The following DCDC1 variants were observed in gnomAD, a reference collection of about 807,000 sequenced individuals.
The protein encoded by DCDC1 is doublecortin domain containing 1.
Under a neutral mutation model 178.3 loss-of-function variants are expected in DCDC1, and 200 were observed. The observed-to-expected ratio is 1.12, with a 90% CI of 1.00 to 1.26. The LOEUF (loss-of-function observed/expected upper bound fraction) is 1.26. DCDC1 is among the 50% of genes most tolerant of loss of function. The pLI is 0.00. For missense variants in DCDC1, 1,983 were observed against 1,749.2 expected, an observed-to-expected ratio of 1.13 and a Z score of -2.38; for synonymous variants, 690 against 604.8, an observed-to-expected ratio of 1.14 and a Z score of -2.07.
intron 3 of DCDC1, among the ~76,000 whole-genome samples, chr11:31,314,775 T>A (rs1386619756): frequency 6.6e-6 from 1 of 152,224 alleles, no homozygotes; most frequent in African/African-American, 2.4e-5. Context: ...ACTGATTATG[T>A]CACTTAACGA....
rs146677456 is a variant in DCDC1, at chr11:31,213,719, CA to C, written c.1221+27730del. On this transcript the variant is annotated intron_variant, in intron 9 of 38. Transcript: ENST00000684477. Reference sequence around the variant, plus strand: ...TGGGTGACAGAGCATGACTCTGTCTCAAAAAAAAAACAAAAAAAAAAGTGGT... The same window carrying C: ...TGGGTGACAGAGCATGACTCTGTCTCAAAAAAAAACAAAAAAAAAAGTGGT... Among the ~76,000 whole-genome samples, 33 of 113,786 alleles carry C rather than the reference CA, an allele frequency of 2.9e-4. 1 individual carries two copies. Among genetic ancestry groups the C allele is most frequent in the African/African-American group, 4.0e-4 (12 of 30,310 alleles). The allele number at this position is 113,786 out of a possible 152,430, so 74.6% of individuals were successfully genotyped here.
chr11:31,337,950 C>T (rs1950353182), intron 1 of DCDC1, among the ~76,000 whole-genome samples: 1 of 152,148 alleles, frequency 6.6e-6, no homozygotes, highest in African/African-American at 2.4e-5. Context: ...GGCCGAAAAA[C>T]ATGACTGACC....
intron 9 of DCDC1, among the ~76,000 whole-genome samples, chr11:31,164,879 T>A (rs543778060): frequency 2.0e-5 from 3 of 152,212 alleles, no homozygotes; most frequent in Non-Finnish European, 4.4e-5. Context: ...CTAGAGCAAC[T>A]TCCAGTCCTG....
Position 31,356,097 on chromosome 11 carries a change from G to A in DCDC1, c.-125+13600C>T, listed in dbSNP as rs937129680. ...CTTAGGTCATTCCAGAATGTTTAGA[G>A]GAGATAGCTACAGTATAAAAAAGCT... On this transcript the variant is annotated intron_variant, in intron 1 of 38. Transcript: ENST00000684477. Among the ~76,000 whole-genome samples the A allele has an allele frequency of 2.0e-5, 3 of 152,180 alleles. No individual in the cohort carries two copies. The South Asian group carries it at 6.2e-4, about 32-fold the overall frequency.
intron 20 of DCDC1, among the ~76,000 whole-genome samples, chr11:31,063,867 T>C (rs1956104024): frequency 1.3e-5 from 2 of 152,140 alleles, no homozygotes; most frequent in South Asian, 4.1e-4. Flanking sequence ...ATAAAGTCAG[T>C]TTATGATTTA....
At chr11:30,914,712 G>A (rs1169680098) in intron 27 of DCDC1, among the ~76,000 whole-genome samples, 1 of 149,464 alleles carries the variant, frequency 6.7e-6, no homozygotes, top group African/African-American at 2.5e-5. Context: ...TCAACATTCT[G>A]CCATTCTCAT....
intron 36 of DCDC1, among the ~76,000 whole-genome samples, chr11:30,886,995 C>G (rs1943234826): frequency 6.6e-6 from 1 of 151,978 alleles, no homozygotes; most frequent in Non-Finnish European, 1.5e-5. Context: ...CTAAAACATA[C>G]TTTAAAGGCA....
At chr11:31,210,036 C>G (rs539574972) in intron 9 of DCDC1, among the ~76,000 whole-genome samples, 16 of 152,262 alleles carry the variant, frequency 1.1e-4, no homozygotes, top group Non-Finnish European at 2.2e-4. Context: ...TGCATGTCTA[C>G]CAGTGTCTGC....
intron 1 of DCDC1, among the ~76,000 whole-genome samples, chr11:31,348,924 A>G (rs1950938837): frequency 1.3e-5 from 2 of 152,242 alleles, no homozygotes; most frequent in African/African-American, 4.8e-5. Flanking sequence ...TACAACAACT[A>G]AAATATAGTT....
chr11:30,925,615 T>C (rs1403317848), intron 22 of DCDC1, among the ~76,000 whole-genome samples: 2 of 152,164 alleles, frequency 1.3e-5, no homozygotes, highest in Admixed American at 6.5e-5. Context: ...TTATTTAACC[T>C]GTCTAAGGCT....
At chr11:31,285,050 A>T (rs553786321) in intron 7 of DCDC1, among the ~76,000 whole-genome samples, 7 of 152,060 alleles carry the variant, frequency 4.6e-5, no homozygotes, top group Non-Finnish European at 1.0e-4. Flanking sequence ...ATTTCCATTA[A>T]ATACATTCTT....
chr11:31,103,839 A>C, intron 13 of DCDC1, 70 bp from the exon 14 acceptor site: 1 of 721,314 alleles, frequency 1.4e-6, no homozygotes, highest in Middle Eastern at 2.4e-4. Context: ...GCACAAATAA[A>C]CAATAAAATA....
intron 20 of DCDC1, among the ~76,000 whole-genome samples, chr11:30,997,336 T>A (rs1397135430): frequency 6.6e-6 from 1 of 152,044 alleles, no homozygotes; most frequent in East Asian, 1.9e-4. Flanking sequence ...GTCTGCAAAG[T>A]AAAACAAAAC....
chr11:31,007,749 C>T (rs967925001), intron 20 of DCDC1, among the ~76,000 whole-genome samples: 12 of 149,616 alleles, frequency 8.0e-5, no homozygotes, highest in Non-Finnish European at 1.3e-4. Context: ...CTGCAACCTC[C>T]GCCTCCTGGG....
At chr11:30,910,026 C>T (rs1380880894) in intron 28 of DCDC1, among the ~76,000 whole-genome samples, 1 of 152,102 alleles carries the variant, frequency 6.6e-6, no homozygotes, top group Non-Finnish European at 1.5e-5. Flanking sequence ...ATGGGTCAGA[C>T]AATAAAGCCT....
At chr11:31,077,789 AATAG>A (rs1956953244) in intron 18 of DCDC1, 72 bp downstream of exon 18, 1 of 717,728 alleles carries the variant, frequency 1.4e-6, no homozygotes, top group Admixed American at 2.0e-5. Context: ...TGCTCTAAAC[AATAG>A]ATAGTACCCT....
intron 1 of DCDC1, among the ~76,000 whole-genome samples, chr11:31,337,362 C>T (rs997199640): frequency 6.6e-6 from 1 of 152,186 alleles, no homozygotes; most frequent in African/African-American, 2.4e-5. Context: ...TTTTTAACAA[C>T]ACTTTTCTTT....
At chr11:31,285,886 G>C (rs56390558) in intron 7 of DCDC1, among the ~76,000 whole-genome samples, 3,134 of 151,410 alleles carry the variant, frequency 0.021, 96 homozygotes, top group African/African-American at 0.071. Context: ...CCAACTTGTA[G>C]ATGTTTTCTA....
chr11:31,206,824 C>A (rs936093495), intron 9 of DCDC1, among the ~76,000 whole-genome samples: 4 of 152,142 alleles, frequency 2.6e-5, no homozygotes, highest in Admixed American at 2.6e-4. Context: ...ATTTAACATG[C>A]CCTTCCATTA....
Sources: allele counts gnomAD v4.1 joint callset (sites outside exome capture counted in the v4.1 genomes callset), GRCh38; gene constraint gnomAD v4.1.1; transcripts MANE v1.5; gene names NCBI Gene and HGNC (gene_info 2026-07-23, HGNC 2026-07-21).